The following TMEM178B variants were observed in gnomAD, a reference collection of about 807,000 sequenced individuals.
TMEM178B encodes transmembrane protein 178B.
TMEM178B carries 5 observed loss-of-function variants against 31.0 expected under a neutral mutation model. The observed-to-expected ratio is 0.16, with a 90% CI of 0.08 to 0.34. The LOEUF (loss-of-function observed/expected upper bound fraction) is 0.34. Ranked by LOEUF, TMEM178B falls within the 10% of genes least tolerant of loss-of-function variation. TMEM178B has a pLI of 1.00. For missense variants in TMEM178B, 275 were observed against 400.3 expected (o/e 0.69, Z 2.67); for synonymous variants, 164 against 164.0 (o/e 1.00, Z 0.00).
At chr7:141,222,157 G>A (rs1041923866) in intron 2 of TMEM178B, among the ~76,000 whole-genome samples, 9 of 152,170 alleles carry the variant, frequency 5.9e-5, no homozygotes, top group Admixed American at 1.3e-4. Flanking sequence ...TCTGTTTACT[G>A]GCTATAGATT....
intron 2 of TMEM178B, among the ~76,000 whole-genome samples, chr7:141,361,671 G>A (rs998980624): frequency 6.6e-6 from 1 of 152,204 alleles, no homozygotes; most frequent in Non-Finnish European, 1.5e-5. Flanking sequence ...TTAGCCTCAT[G>A]TGTTCTCTCT....
intron 1 of TMEM178B, among the ~76,000 whole-genome samples, chr7:141,187,895 C>G (rs1165172049): frequency 6.6e-6 from 1 of 152,090 alleles, no homozygotes; most frequent in East Asian, 1.9e-4. Flanking sequence ...TGTAGGTTGC[C>G]TGTTCACTCT....
chr7:141,473,262 T>C lies in TMEM178B; in HGVS notation c.*2476T>C, dbSNP rs1802281314. ...AAGTATCTCAGATTGAGAGGCCTTT[T>C]GTCTTCCTTCCAAGCGTCCTGAAGG... On this transcript the variant is annotated 3_prime_UTR_variant, in exon 4 of 4. Transcript: ENST00000565468. 6.6e-6 allele frequency: 1 copy of C among 152,224 alleles called. No individual in the cohort carries two copies. Among genetic ancestry groups the C allele is most frequent in the African/African-American group, 2.4e-5 (1 of 41,462 alleles). The allele number at this position is 152,224 out of a possible 1,614,324, so 9.4% of individuals were successfully genotyped here. A position where few individuals can be genotyped will look rare whatever the true frequency, so the allele number is the denominator to read the frequency against.
chr7:141,379,151 G>A (rs1800270011), intron 2 of TMEM178B, among the ~76,000 whole-genome samples: 1 of 152,100 alleles, frequency 6.6e-6, no homozygotes, highest in South Asian at 2.1e-4. Context: ...AGTTAACAGA[G>A]TGTTCTGGAG....
intron 2 of TMEM178B, among the ~76,000 whole-genome samples, chr7:141,393,467 G>T (rs1448793730): frequency 6.6e-6 from 1 of 152,204 alleles, no homozygotes. Flanking sequence ...GAAGGAGCCA[G>T]AGGACTTCCA....
intron 1 of TMEM178B, among the ~76,000 whole-genome samples, chr7:141,127,730 T>C (rs1210273832): frequency 6.6e-6 from 1 of 152,198 alleles, no homozygotes; most frequent in Non-Finnish European, 1.5e-5. Context: ...ATGGCAGTCC[T>C]AGGGAACTAA....
At position 141,278,583 on chromosome 7, in the gene TMEM178B, CAAAAAATAAAAAATA is replaced by C. The variant is rs1196624352; in HGVS notation, c.496+65897_496+65911del. Among the ~76,000 whole-genome samples, 12 of 150,540 alleles carry C rather than the reference CAAAAAATAAAAAATA, an allele frequency of 8.0e-5. No individual in the cohort carries two copies. The East Asian group carries it at 1.4e-3, about 17-fold the overall frequency. On this transcript the variant is annotated intron_variant, in intron 2 of 3. Transcript: ENST00000565468. Reference sequence around the variant, plus strand: ...GGTGACAGAGCGAGACTCTGTCTCACAAAAAATAAAAAATAAAAAAATAAAAAATAAAGATTGCAA... The same window carrying C: ...GGTGACAGAGCGAGACTCTGTCTCACAAAAAATAAAAAATAAAGATTGCAA...
At chr7:141,371,928 T>G (rs535820096) in intron 2 of TMEM178B, among the ~76,000 whole-genome samples, 203 of 152,340 alleles carry the variant, frequency 1.3e-3, no homozygotes, top group Non-Finnish European at 2.4e-3. Context: ...TTTCCTTTTC[T>G]CCATTGGGTC....
chr7:141,232,263 A>G lies in TMEM178B; in HGVS notation c.496+19559A>G, dbSNP rs554213222. On this transcript the variant is annotated intron_variant, in intron 2 of 3. Coordinates refer to ENST00000565468, the MANE Select transcript of TMEM178B (RefSeq NM_001195278.2). Reference sequence around the variant, plus strand: ...CTTTGCTATTGTGAATAGTGCTGCAATGAACATATGCATGCATGTATCCTT... The same window carrying G: ...CTTTGCTATTGTGAATAGTGCTGCAGTGAACATATGCATGCATGTATCCTT... 5.9e-5 allele frequency among the ~76,000 whole-genome samples: 9 copies of G among 152,306 alleles called. No homozygotes were observed. In the East Asian group the frequency reaches 1.7e-3, roughly 29 times the overall value.
intron 3 of TMEM178B, among the ~76,000 whole-genome samples, chr7:141,458,635 T>C (rs1802008554): frequency 1.3e-5 from 2 of 152,178 alleles, no homozygotes; most frequent in African/African-American, 4.8e-5. Flanking sequence ...TTTTTTGTCC[T>C]TGAGAACAAT....
the TMEM178B span, among the ~76,000 whole-genome samples, chr7:141,500,826 G>C: frequency 6.6e-6 from 1 of 152,238 alleles, no homozygotes; most frequent in East Asian, 1.9e-4. Flanking sequence ...TATGTCCCAG[G>C]CTACTTTCCA....
intron 2 of TMEM178B, among the ~76,000 whole-genome samples, chr7:141,389,373 T>C (rs1288747713): frequency 6.6e-6 from 1 of 152,218 alleles, no homozygotes; most frequent in East Asian, 1.9e-4. Context: ...TCTGGAGTGG[T>C]CTGTCTAGTA....
Position 141,470,901 on chromosome 7 carries a change from C to A in TMEM178B, c.*115C>A. ...CAGTGCCAAGGTAGAGTTGAGTTGG[C>A]TCAGGCACCTGCATCTCGCCGGACT... On this transcript the variant is annotated 3_prime_UTR_variant, in exon 4 of 4. Transcript: ENST00000565468. The A allele has an allele frequency of 3.3e-6, 2 of 602,840 alleles. No homozygotes were observed. The highest frequency in any genetic ancestry group is 4.3e-6 in the Non-Finnish European group (2 of 465,756). The allele number at this position is 602,840 out of a possible 1,614,324, so 37.3% of individuals were successfully genotyped here.
chr7:141,256,771 T>C (rs193235527), intron 2 of TMEM178B, among the ~76,000 whole-genome samples: 2 of 152,180 alleles, frequency 1.3e-5, no homozygotes, highest in Admixed American at 1.3e-4. Context: ...TTGGACCAGG[T>C]AGTAGTGGAG....
chr7:141,203,641 T>A (rs1796915297), intron 1 of TMEM178B, among the ~76,000 whole-genome samples: 1 of 152,210 alleles, frequency 6.6e-6, no homozygotes, highest in Admixed American at 6.5e-5. Flanking sequence ...GCACTCACAC[T>A]GGAAAGCACA....
At chr7:141,411,424 A>G (rs1800988538) in intron 2 of TMEM178B, among the ~76,000 whole-genome samples, 1 of 152,182 alleles carries the variant, frequency 6.6e-6, no homozygotes, top group South Asian at 2.1e-4. Flanking sequence ...GGTAAATTTT[A>G]TGTTATGTAT....
At chr7:141,186,192 G>C (rs1338195567) in intron 1 of TMEM178B, among the ~76,000 whole-genome samples, 3 of 152,132 alleles carry the variant, frequency 2.0e-5, no homozygotes. Context: ...TCATGGATAG[G>C]AAACCAGAGC....
At chr7:141,459,288 A>C (rs1490950880) in intron 3 of TMEM178B, among the ~76,000 whole-genome samples, 10 of 152,138 alleles carry the variant, frequency 6.6e-5, no homozygotes, top group African/African-American at 2.4e-4. Flanking sequence ...TCGGCCTCCC[A>C]AAGTGCTGGG....
chr7:141,116,336 G>T (rs1361708476), intron 1 of TMEM178B, among the ~76,000 whole-genome samples: 1 of 152,160 alleles, frequency 6.6e-6, no homozygotes, highest in African/African-American at 2.4e-5. Flanking sequence ...CTGGAAGGAA[G>T]CTCAGAGATG....
Sources: allele counts gnomAD v4.1 joint callset (sites outside exome capture counted in the v4.1 genomes callset), GRCh38; gene constraint gnomAD v4.1.1; transcripts MANE v1.5; gene names NCBI Gene and HGNC (gene_info 2026-07-23, HGNC 2026-07-21).